Variants in GMDS observed in about 807,000 individuals in gnomAD.
GMDS encodes the protein GDP-mannose 4,6 dehydratase.
GMDS carries 20 observed loss-of-function variants against 49.9 expected under a neutral mutation model. The ratio of observed to expected loss-of-function variants is 0.40; its 90% CI spans 0.28 to 0.58. GMDS has a LOEUF of 0.58. Ranked by LOEUF, GMDS falls within the 20% of genes least tolerant of loss-of-function variation. The probability of loss-of-function intolerance (pLI) is 0.42; values close to 1 mark genes in which losing one functional copy is unlikely to be tolerated. For missense variants in GMDS, 362 were observed against 481.4 expected (o/e 0.75, Z 2.32); for synonymous variants, 177 against 178.6 (o/e 0.99, Z 0.07).
chr6:1,723,372 G>T, intron 9 of GMDS, among the ~76,000 whole-genome samples: 1 of 139,224 alleles, frequency 7.2e-6, no homozygotes. Flanking sequence ...TGTGGCCCAG[G>T]CTGGAGTGCA....
chr6:2,242,593 T>C (rs543069172), intron 1 of GMDS, among the ~76,000 whole-genome samples: 1 of 152,218 alleles, frequency 6.6e-6, no homozygotes, highest in Non-Finnish European at 1.5e-5. Flanking sequence ...GCAGTGGCAT[T>C]TGAATCTGAA....
intron 1 of GMDS, among the ~76,000 whole-genome samples, chr6:2,126,214 G>A (rs998150227): frequency 6.6e-6 from 1 of 152,144 alleles, no homozygotes; most frequent in Non-Finnish European, 1.5e-5. Context: ...TAGACATTTT[G>A]CAGTCGATCC....
chr6:2,233,741 T>C (rs926104524), intron 1 of GMDS, among the ~76,000 whole-genome samples: 2 of 152,016 alleles, frequency 1.3e-5, no homozygotes, highest in Non-Finnish European at 2.9e-5. Flanking sequence ...ACTCTCTTGA[T>C]CCCGGTGGGG....
chr6:2,190,228 T>C (rs556225835), intron 1 of GMDS, among the ~76,000 whole-genome samples: 1 of 152,382 alleles, frequency 6.6e-6, no homozygotes, highest in East Asian at 1.9e-4. Flanking sequence ...GAATTTTATT[T>C]TTTAAACGTT....
chr6:1,637,682 T>C (rs1006482706), intron 9 of GMDS, among the ~76,000 whole-genome samples: 3 of 152,248 alleles, frequency 2.0e-5, no homozygotes, highest in African/African-American at 7.2e-5. Context: ...GAGGCCTCCA[T>C]GCAGAAGGCT....
intron 9 of GMDS, among the ~76,000 whole-genome samples, chr6:1,665,728 A>G (rs1764214188): frequency 6.6e-6 from 1 of 151,494 alleles, no homozygotes; most frequent in Admixed American, 6.5e-5. Flanking sequence ...ATGGGCCACA[A>G]CTGGATGAAG....
intron 9 of GMDS, among the ~76,000 whole-genome samples, chr6:1,676,625 C>T (rs1387703508): frequency 6.6e-6 from 1 of 152,090 alleles, no homozygotes; most frequent in East Asian, 1.9e-4. Context: ...TGAAATAATA[C>T]CACACATCTA....
intron 4 of GMDS, among the ~76,000 whole-genome samples, chr6:2,040,015 G>T (rs1280505349): frequency 6.6e-6 from 1 of 152,122 alleles, no homozygotes; most frequent in Non-Finnish European, 1.5e-5. Flanking sequence ...TATTACAATG[G>T]CAACATCACT....
At chr6:2,088,416 G>A (rs7751074) in intron 4 of GMDS, among the ~76,000 whole-genome samples, 89,026 of 151,916 alleles carry the variant, frequency 0.59, 26,174 homozygotes, top group East Asian at 0.71. Flanking sequence ...GAGATAATAC[G>A]TGGAAAGACC....
At chr6:2,202,645 C>T (rs1251878199) in intron 1 of GMDS, among the ~76,000 whole-genome samples, 1 of 152,070 alleles carries the variant, frequency 6.6e-6, no homozygotes, top group Non-Finnish European at 1.5e-5. Flanking sequence ...CAGAGACTGG[C>T]CTCGTGGCCT....
chr6:1,969,422 T>C (rs1202809004), intron 4 of GMDS, among the ~76,000 whole-genome samples: 1 of 152,006 alleles, frequency 6.6e-6, no homozygotes, highest in Non-Finnish European at 1.5e-5. Flanking sequence ...ACAATTTTAG[T>C]AAGGAAAAAC....
intron 9 of GMDS, among the ~76,000 whole-genome samples, chr6:1,706,755 C>T (rs1765752946): frequency 6.6e-6 from 1 of 152,214 alleles, no homozygotes; most frequent in South Asian, 2.1e-4. Context: ...CATTTTTATG[C>T]TTCTTTTTTC....
chr6:2,197,026 TG>T (rs1779301532), intron 1 of GMDS, among the ~76,000 whole-genome samples: 2 of 152,240 alleles, frequency 1.3e-5, no homozygotes, highest in South Asian at 4.1e-4. Context: ...GTTAAACCTC[TG>T]TGTCCAGCAG....
At chr6:1,747,330 A>G (rs1767538050) in intron 7 of GMDS, among the ~76,000 whole-genome samples, 1 of 152,150 alleles carries the variant, frequency 6.6e-6, no homozygotes, top group South Asian at 2.1e-4. Flanking sequence ...ACACTTATTA[A>G]CTGAGCTGGC....
chr6:1,711,050 T>C (rs1036722914), intron 9 of GMDS, among the ~76,000 whole-genome samples: 2 of 152,248 alleles, frequency 1.3e-5, no homozygotes, highest in African/African-American at 4.8e-5. Context: ...TTTCTCCGCA[T>C]GGACAGCTGG....
chr6:1,676,402 T>C (rs947988272), intron 9 of GMDS, among the ~76,000 whole-genome samples: 5 of 152,206 alleles, frequency 3.3e-5, no homozygotes, highest in Non-Finnish European at 7.3e-5. Flanking sequence ...AAGCTACCAA[T>C]GACTTTCTTC....
chr6:2,147,525 A>G (rs1319604008), intron 1 of GMDS, among the ~76,000 whole-genome samples: 2 of 152,214 alleles, frequency 1.3e-5, no homozygotes, highest in East Asian at 1.9e-4. Flanking sequence ...TCGGACTCCT[A>G]TAATTTTGAA....
chr6:1,859,199 C>T lies in GMDS; in HGVS notation c.771+70904G>A, dbSNP rs149400947. On this transcript the variant is annotated intron_variant, in intron 7 of 10. Coordinates refer to ENST00000380815, the MANE Select transcript of GMDS (RefSeq NM_001500.4). ...GGAGTCTGACCGTAGACATTGATAC[C>T]TCACTGGAAAAGAGGATTCCAACGT... 5.9e-5 allele frequency among the ~76,000 whole-genome samples: 9 copies of T among 152,280 alleles called. No homozygotes were observed. In the East Asian group the frequency reaches 1.7e-3, roughly 29 times the overall value.
intron 7 of GMDS, among the ~76,000 whole-genome samples, chr6:1,843,186 A>G (rs926251666): frequency 1.3e-5 from 2 of 151,960 alleles, no homozygotes; most frequent in Admixed American, 1.3e-4. Flanking sequence ...TGGTTGGTAC[A>G]GAACAGACAG....
Sources: allele counts gnomAD v4.1 joint callset (sites outside exome capture counted in the v4.1 genomes callset), GRCh38; gene constraint gnomAD v4.1.1; transcripts MANE v1.5; gene names NCBI Gene and HGNC (gene_info 2026-07-23, HGNC 2026-07-21).